The following MCM2 variants were observed in gnomAD, a reference collection of about 807,000 sequenced individuals.
MCM2 encodes the protein DNA replication licensing factor MCM2.
A neutral mutation model predicts 86.4 loss-of-function variants in MCM2; 49 were observed. The observed-to-expected ratio is 0.57, with a 90% CI of 0.45 to 0.72. The LOEUF (loss-of-function observed/expected upper bound fraction) is 0.72, where lower values mean the gene tolerates loss of function less well. MCM2 is among the 30% of genes least tolerant of loss of function. MCM2 has a pLI of 0.00. For synonymous variants in MCM2, 475 were observed against 484.6 expected, an observed-to-expected ratio of 0.98 and a Z score of 0.26; for missense variants, 1,038 against 1,259.9, an observed-to-expected ratio of 0.82 and a Z score of 2.67.
At chr3:127,599,666 C>G in intron 2 of MCM2, 119 bp downstream of exon 2, 1 of 874,630 alleles carries the variant, frequency 1.1e-6, no homozygotes, top group Non-Finnish European at 1.7e-6. Context: ...TGCCTTTGAG[C>G]ACAGCTTGAT....
chr3:127,608,594 C>T (rs922431097), intron 7 of MCM2, 78 bp downstream of exon 7: 10 of 1,575,460 alleles, frequency 6.3e-6, no homozygotes, highest in African/African-American at 1.3e-5. Flanking sequence ...GGGCCGGTGG[C>T]GGTGTCTATG....
intron 3 of MCM2, 35 bp from the exon 4 acceptor site, chr3:127,604,861 A>T: frequency 6.3e-7 from 1 of 1,587,354 alleles, no homozygotes; most frequent in Non-Finnish European, 8.6e-7. Flanking sequence ...GGTGCTGGGG[A>T]TGACCGCAGT....
chr3:127,609,681 AC>A (rs2074378211), intron 8 of MCM2, among the ~76,000 whole-genome samples: 1 of 152,064 alleles, frequency 6.6e-6, no homozygotes, highest in African/African-American at 2.4e-5. Flanking sequence ...TTGCAGAAAT[AC>A]GGATTACTTA....
At chr3:127,613,626 T>C (rs914997443) in intron 8 of MCM2, among the ~76,000 whole-genome samples, 3 of 152,214 alleles carry the variant, frequency 2.0e-5, no homozygotes, top group Non-Finnish European at 4.4e-5. Flanking sequence ...TATTTGGTTA[T>C]TGTGAGTTCC....
chr3:127,600,603 A>G (rs1430142110), intron 2 of MCM2, among the ~76,000 whole-genome samples: 2 of 152,172 alleles, frequency 1.3e-5, no homozygotes, highest in African/African-American at 4.8e-5. Flanking sequence ...CCCAACGATG[A>G]GACTGCATGT....
Position 127,621,232 on chromosome 3 carries a change from TG to T in MCM2, c.2604+7del, listed in dbSNP as rs759280528. 6.2e-7 allele frequency: 1 copy of T among 1,613,798 alleles called. No individual in the cohort carries two copies. Among genetic ancestry groups the T allele is most frequent in the South Asian group, 1.1e-5 (1 of 91,064 alleles). On this transcript the variant is annotated splice_donor_5th_base_variant and intron_variant, in intron 15 of 15. Coordinates refer to ENST00000265056, the MANE Select transcript of MCM2 (RefSeq NM_004526.4). ...TGAGAAGGACTTGGTGGATAAGGTA[TG>T]GGCCCGGAAGGGAGGTGAGGGTTGG...
At chr3:127,615,714 T>G in intron 8 of MCM2, 148 bp from the exon 9 acceptor site, 1 of 642,264 alleles carries the variant, frequency 1.6e-6, no homozygotes, top group Non-Finnish European at 2.8e-6. Flanking sequence ...GGGCACGGCT[T>G]GATACCAGGG....
intron 1 of MCM2, 93 bp downstream of exon 1, chr3:127,598,565 T>C: frequency 1.3e-6 from 2 of 1,502,714 alleles, no homozygotes; most frequent in Admixed American, 2.1e-5. Flanking sequence ...AGGGCGGCGC[T>C]CTGGGTGAGG....
chr3:127,601,147 T>TG (rs572904815), intron 2 of MCM2, among the ~76,000 whole-genome samples: 17 of 152,334 alleles, frequency 1.1e-4, no homozygotes, highest in Non-Finnish European at 1.8e-4. Flanking sequence ...ATATTATATA[T>TG]GCACTTTTGT....
In MCM2 at chr3:127,606,452, C is replaced by T; in HGVS notation, c.893+115C>T. 2.5e-6 allele frequency: 3 copies of T among 1,210,348 alleles called. No homozygotes were observed. Among genetic ancestry groups the T allele is most frequent in the Non-Finnish European group, 3.5e-6 (3 of 848,822 alleles). The allele number at this position is 1,210,348 out of a possible 1,614,324, so 75.0% of individuals were successfully genotyped here. ...GGGAGGGTGCAGCCAGCAGCATCCT[C>T]ATCGCAGGTGAGTTGTGGTTGCACA... is the stretch of plus-strand genomic sequence containing the variant. On this transcript the variant is annotated intron_variant, in intron 5 of 15. Coordinates refer to ENST00000265056, the MANE Select transcript of MCM2 (RefSeq NM_004526.4). The surrounding 1 kb of genome is among the most constrained non-coding windows in gnomAD (Gnocchi z 4.2).
At position 127,617,209 on chromosome 3, in the gene MCM2, T is replaced by C; in HGVS notation, c.1774-70T>C. 1.2e-6 allele frequency: 2 copies of C among 1,607,122 alleles called. No homozygotes were observed. Among genetic ancestry groups the C allele is most frequent in the Non-Finnish European group, 1.7e-6 (2 of 1,175,052 alleles). On this transcript the variant is annotated intron_variant, in intron 10 of 15. Coordinates refer to ENST00000265056, the MANE Select transcript of MCM2 (RefSeq NM_004526.4). The surrounding 1 kb of genome is among the most constrained non-coding windows in gnomAD (Gnocchi z 4.1). ...CGGGAATGGTGTTAATGGGGTCCAT[T>C]GGGACCTCATCGGAGACTTAGTAGT...
rs1169927205 is a variant in MCM2 at position 127,608,815 on chromosome 3, C to A, written c.1237-17C>A. On this transcript the variant is annotated splice_polypyrimidine_tract_variant and intron_variant, in intron 7 of 15. Coordinates refer to ENST00000265056, the MANE Select transcript of MCM2 (RefSeq NM_004526.4). Reference sequence around the variant, plus strand: ...CCTGGGTTAGGCTCTGACTTCTTGGCCCCTCCCTTTCCCCAGGAGCTGACT... The same window carrying A: ...CCTGGGTTAGGCTCTGACTTCTTGGACCCTCCCTTTCCCCAGGAGCTGACT... 2.5e-6 allele frequency: 4 copies of A among 1,612,552 alleles called. No homozygotes were observed. Among genetic ancestry groups the A allele is most frequent in the Non-Finnish European group, 3.4e-6 (4 of 1,179,086 alleles).
Position 127,618,169 on chromosome 3 carries a change from G to T in MCM2, c.2013+88G>T. Reference sequence around the variant, plus strand: ...GGTCATACAGTGTGCCCAACACAGGGGACAGGTGCTGCAGGGGCCATAGGC... The same window carrying T: ...GGTCATACAGTGTGCCCAACACAGGTGACAGGTGCTGCAGGGGCCATAGGC... On this transcript the variant is annotated intron_variant, in intron 12 of 15. Coordinates refer to ENST00000265056, the MANE Select transcript of MCM2 (RefSeq NM_004526.4). The surrounding 1 kb of genome is among the most constrained non-coding windows in gnomAD (Gnocchi z 4.0). 9.8e-7 allele frequency: 1 copy of T among 1,020,930 alleles called. No homozygotes were observed. The highest frequency in any genetic ancestry group is 1.5e-6 in the Non-Finnish European group (1 of 658,666). The allele number at this position is 1,020,930 out of a possible 1,614,324, so 63.2% of individuals were successfully genotyped here.
chr3:127,619,523 C>T (rs2074460209), intron 13 of MCM2, among the ~76,000 whole-genome samples: 1 of 151,838 alleles, frequency 6.6e-6, no homozygotes, highest in Admixed American at 6.6e-5. Flanking sequence ...ATGGTGAAAC[C>T]CAAAAATTAG....
Position 127,619,024 on chromosome 3 carries a change from T to G in MCM2, c.2014-3T>G. ...AGACCCACCCTCTCATGGCTTATCTTAGGACGAGATGCTGGCCCGCTTCGT... is the reference window on the plus strand; with the variant it reads ...AGACCCACCCTCTCATGGCTTATCTGAGGACGAGATGCTGGCCCGCTTCGT... On this transcript the variant is annotated splice_region_variant and splice_polypyrimidine_tract_variant and intron_variant, in intron 12 of 15. Coordinates refer to ENST00000265056, the MANE Select transcript of MCM2 (RefSeq NM_004526.4). The G allele has an allele frequency of 6.3e-7, 1 of 1,589,722 alleles. No homozygotes were observed. Among genetic ancestry groups the G allele is most frequent in the Non-Finnish European group, 8.6e-7 (1 of 1,165,196 alleles).
At chr3:127,598,793 C>T in intron 1 of MCM2, 1 of 370,088 alleles carries the variant, frequency 2.7e-6, no homozygotes, top group Non-Finnish European at 4.8e-6. Context: ...CTCCTTTAAA[C>T]TTTTTTTTTT....
chr3:127,621,667 G>A lies in MCM2; in HGVS notation c.2609G>A (p.Arg870His), dbSNP rs760570626. Reference protein sequence around the residue: ...VPEKDLVDKARQINIHNLSAF... With the variant: ...VPEKDLVDKAHQINIHNLSAF... ...CTGGACACTTCCTCCTTGCAGGCTCGTCAGATCAACATCCACAACCTCTCT... is the reference window on the plus strand; with the variant it reads ...CTGGACACTTCCTCCTTGCAGGCTCATCAGATCAACATCCACAACCTCTCT... The change falls in exon 16 of 16, where the codon CGT (arginine) becomes CAT (histidine). Residue 870 changes from arginine (R) to histidine (H), a missense_variant. Physicochemically the swap from Arg to His is conservative, Grantham distance 29 (BLOSUM62 0). This residue lies in a region of MCM2 where 336 missense variants were observed against 425.7 expected (regional missense o/e 0.79). Transcript: ENST00000265056. 1.1e-5 allele frequency: 18 copies of A among 1,611,588 alleles called. No homozygotes were observed. The South Asian group carries it at 1.2e-4, about 11-fold the overall frequency.
chr3:127,613,240 G>A (rs894516381), intron 8 of MCM2, among the ~76,000 whole-genome samples: 3 of 152,160 alleles, frequency 2.0e-5, no homozygotes, highest in South Asian at 4.1e-4. Context: ...AAGGTTGCTC[G>A]CTACAAAAAT....
chr3:127,613,655 A>G (rs2074414785), intron 8 of MCM2, among the ~76,000 whole-genome samples: 1 of 152,240 alleles, frequency 6.6e-6, no homozygotes, highest in Non-Finnish European at 1.5e-5. Context: ...TCTGTGTTAC[A>G]TAAGGCCTGG....
Sources: allele counts gnomAD v4.1 joint callset (sites outside exome capture counted in the v4.1 genomes callset), GRCh38; gene constraint gnomAD v4.1.1; regional missense constraint gnomAD v4.1.1; non-coding constraint Gnocchi (gnomAD v3.1); transcripts MANE v1.5; gene names NCBI Gene and HGNC (gene_info 2026-07-23, HGNC 2026-07-21).